Variants in FASN observed in about 807,000 individuals in gnomAD.
The protein encoded by FASN is fatty acid synthase.
FASN carries 50 observed loss-of-function variants against 250.0 expected under a neutral mutation model. That is an observed-to-expected ratio of 0.20 (90% CI 0.16 to 0.25). The LOEUF is 0.25. FASN is among the 10% of genes least tolerant of loss of function. FASN has a pLI of 1.00. For synonymous variants in FASN, 1,909 were observed against 1,584.0 expected, an observed-to-expected ratio of 1.21 and a Z score of -4.87; for missense variants, 3,031 against 3,498.5, an observed-to-expected ratio of 0.87 and a Z score of 3.37.
chr17:82,079,857 G>A (rs2033956691), intron 41 of FASN: 1 of 634,102 alleles, frequency 1.6e-6, no homozygotes, highest in African/African-American at 1.8e-5. Flanking sequence ...ATAGGTGAGT[G>A]CCACCATGCC....
chr17:82,079,031 G>T lies in FASN; in HGVS notation c.*112C>A. The T allele has an allele frequency of 4.0e-6, 5 of 1,258,828 alleles. No individual in the cohort carries two copies. The highest frequency in any genetic ancestry group is 5.5e-6 in the Non-Finnish European group (5 of 903,780). 78.0% of individuals were successfully genotyped at this position (1,258,828 alleles called of 1,614,324 possible). A position where few individuals can be genotyped will look rare whatever the true frequency, so the allele number is the denominator to read the frequency against. On this transcript the variant is annotated 3_prime_UTR_variant, in exon 43 of 43. Coordinates refer to ENST00000306749, the MANE Select transcript of FASN (RefSeq NM_004104.5). ...GCAGCCTCGGGGGGCAGTGGCACTG[G>T]GCCGGACAGGGTCCCACCGGCAGGA...
chr17:82,082,159 C>T lies in FASN; in HGVS notation c.6013G>A (p.Val2005Met). The T allele has an allele frequency of 6.2e-7, 1 of 1,602,844 alleles. No homozygotes were observed. The highest frequency in any genetic ancestry group is 8.5e-7 in the Non-Finnish European group (1 of 1,179,920). Reference sequence around the variant, plus strand: ...AGCTCAGGGCACGCCTCTCGGGTCACCCTGTGGGCACGCGTGTCACTCCCC... The same window carrying T: ...AGCTCAGGGCACGCCTCTCGGGTCATCCTGTGGGCACGCGTGTCACTCCCC... ...KYSGTLNLDR[V>M]TREACPELDY... The change falls in exon 36 of 43, where the codon GTG becomes ATG. Residue 2005 changes from valine (V) to methionine (M), a missense_variant and splice_region_variant. Val to Met is a conservative substitution (Grantham distance 21). Transcript: ENST00000306749.
At chr17:82,088,076 C>A (rs377183321) in intron 17 of FASN, 40 bp downstream of exon 17, 1 of 1,612,504 alleles carries the variant, frequency 6.2e-7, no homozygotes, top group Middle Eastern at 1.6e-4. Context: ...CAGCACCCGC[C>A]CCCCAGCTAC....
Position 82,081,634 on chromosome 17 carries a change from G to A in FASN, c.6373C>T (p.Arg2125Trp), listed in dbSNP as rs141141382. Residue 2125 changes from arginine to tryptophan, a missense_variant, in exon 37 of 43, where the codon CGG (arginine) becomes TGG (tryptophan). Arg to Trp is a moderately radical substitution (Grantham distance 101). Coordinates refer to ENST00000306749, the MANE Select transcript of FASN (RefSeq NM_004104.5). The stretch of plus-strand genomic sequence containing the variant: ...TGTGCCACGGCCTCCACCAGGTCCC[G>A]CTGGCTGTCCCTGTCCCTATAGGCC... ...AAAYRDRDSQ[R>W]DLVEAVAHIL... The A allele has an allele frequency of 1.6e-3, 2,544 of 1,612,650 alleles. 4 individuals carry two copies. Among genetic ancestry groups the A allele is most frequent in the Non-Finnish European group, 2.0e-3 (2,312 of 1,180,006 alleles).
chr17:82,082,675 T>C lies in FASN; in HGVS notation c.5771A>G (p.Tyr1924Cys), dbSNP rs773989948. 4 of 1,608,676 alleles carry C rather than the reference T, an allele frequency of 2.5e-6. No homozygotes were observed. In the Admixed American group the frequency reaches 6.7e-5, roughly 27 times the overall value. ...CCACCGGCGGACCTGCTTGGCCTGG[T>C]AGCCTGCGGGACACAGGACTGTGGG... ...LTSRSGIRTG[Y>C]QAKQVRRWRR... Residue 1924 changes from tyrosine to cysteine, a missense_variant, in exon 34 of 43, where the codon TAC becomes TGC. Coordinates refer to ENST00000306749, the MANE Select transcript of FASN (RefSeq NM_004104.5).
Position 82,080,801 on chromosome 17 carries a change from G to A in FASN, c.6717C>T (p.Ser2239=), listed in dbSNP as rs2033973870. ...PTLMRLNSVQ[S]SERPLFLVHP... is the part of the protein sequence containing the mutation. ...GCACCAGGAACAGGGGCCGCTCCGA[G>A]CTCTGCACGGAGTTGAGCCGCATCA... is the stretch of plus-strand genomic sequence containing the variant. The change falls in exon 39 of 43, where the codon AGC becomes AGT. Residue 2239 remains serine, a synonymous_variant. Coordinates refer to ENST00000306749, the MANE Select transcript of FASN (RefSeq NM_004104.5). 2 of 1,607,968 alleles carry A rather than the reference G, an allele frequency of 1.2e-6. No individual in the cohort carries two copies. Among genetic ancestry groups the A allele is most frequent in the Middle Eastern group, 1.7e-4 (1 of 5,852 alleles).
chr17:82,078,925 T>C lies in FASN; in HGVS notation c.*218A>G. The C allele has an allele frequency of 3.2e-6, 2 of 631,662 alleles. No individual in the cohort carries two copies. The highest frequency in any genetic ancestry group is 2.7e-5 in the Admixed American group (1 of 37,034). 39.1% of individuals were successfully genotyped at this position (631,662 alleles called of 1,614,324 possible). Reference sequence around the variant, plus strand: ...CCACCGGCTCTTCACAGACCAGGAGTCTCCAAGTCGGCAGCTCTGGTGTCC... The same window carrying C: ...CCACCGGCTCTTCACAGACCAGGAGCCTCCAAGTCGGCAGCTCTGGTGTCC... On this transcript the variant is annotated 3_prime_UTR_variant, in exon 43 of 43. Transcript: ENST00000306749. This position sits in a 1 kb window ranked among gnomAD's most constrained non-coding sequence, Gnocchi z 5.4.
In FASN at chr17:82,088,240, G is replaced by C; in HGVS notation, c.2661C>G (p.Pro887=). Residue 887 remains proline (P), a synonymous_variant, in exon 17 of 43, where the codon CCC becomes CCG. Coordinates refer to ENST00000306749, the MANE Select transcript of FASN (RefSeq NM_004104.5). ...DHTLDGRVLF[P]ATGYLSIVWK... is the part of the protein sequence containing the mutation. ...ACACTATGCTCAGGTAGCCAGTGGC[G>C]GGGAAGAGGACGCGACCGTCGAGGG... 6.2e-7 allele frequency: 1 copy of C among 1,609,464 alleles called. No homozygotes were observed. The highest frequency in any genetic ancestry group is 8.5e-7 in the Non-Finnish European group (1 of 1,179,972).
rs1469479236 is a variant in FASN at position 82,080,842 on chromosome 17, G to C, written c.6676C>G (p.Pro2226Ala). The change falls in exon 39 of 43, where the codon CCG (proline) becomes GCG (alanine). Residue 2226 changes from proline to alanine, a missense_variant. Pro to Ala is a conservative substitution (Grantham distance 27). Transcript: ENST00000306749. ...QLNLRSLLVNPEGPTLMRLNS... is the reference protein window; with the variant it reads ...QLNLRSLLVNAEGPTLMRLNS... ...AGCCGCATCAGGGTGGGGCCCTCCG[G>C]GTTCACCAGCAGGGAGCGCAGGTTC... 6.2e-7 allele frequency: 1 copy of C among 1,611,102 alleles called. No homozygotes were observed. The highest frequency in any genetic ancestry group is 8.5e-7 in the Non-Finnish European group (1 of 1,179,522).
In FASN at chr17:82,093,627, T is replaced by C; in HGVS notation, c.425A>G (p.Asn142Ser). 1.2e-6 allele frequency: 2 copies of C among 1,612,722 alleles called. No homozygotes were observed. The highest frequency in any genetic ancestry group is 1.1e-5 in the South Asian group (1 of 91,082). The change falls in exon 4 of 43, where the codon AAC becomes AGC. Residue 142 changes from asparagine (N) to serine (S), a missense_variant. Transcript: ENST00000306749. ...GAAGTCGAAGAAGAAGGAGAGCCGG[T>C]TGGCCATCATCGCTCGCTGGCAGCC... is the stretch of plus-strand genomic sequence containing the variant. ...MVGCQRAMMANRLSFFFDFRG... is the reference protein window; with the variant it reads ...MVGCQRAMMASRLSFFFDFRG...
Position 82,085,091 on chromosome 17 carries a change from C to A in FASN, c.4353G>T (p.Ser1451=). 6.2e-7 allele frequency: 1 copy of A among 1,612,586 alleles called. No individual in the cohort carries two copies. The highest frequency in any genetic ancestry group is 8.5e-7 in the Non-Finnish European group (1 of 1,179,888). The change falls in exon 25 of 43, where the codon TCG becomes TCT. Residue 1451 remains serine (S), a synonymous_variant. Coordinates refer to ENST00000306749, the MANE Select transcript of FASN (RefSeq NM_004104.5). ...VWLKAINCAT[S]GVVGLVNCLR... is the part of the protein sequence containing the mutation. ...GACAGTTCACCAAGCCCACCACGCC[C>A]GAGGTGGCACAGTTGATGGCCTTCA...
chr17:82,085,028 C>T lies in FASN; in HGVS notation c.4409+7G>A. 6.2e-7 allele frequency: 1 copy of T among 1,606,912 alleles called. No individual in the cohort carries two copies. On this transcript the variant is annotated splice_region_variant and intron_variant, in intron 25 of 42. Coordinates refer to ENST00000306749, the MANE Select transcript of FASN (RefSeq NM_004104.5). ...GAAGGGGAAGTGGTGAGGGGCCGTG[C>T]TCCTACCGGAGGCGGTTCCCGCCGG... is the stretch of plus-strand genomic sequence containing the variant.
Position 82,084,323 on chromosome 17 carries a change from G to C in FASN, c.4830C>G (p.Gly1610=). 6.2e-7 allele frequency: 1 copy of C among 1,610,138 alleles called. No homozygotes were observed. Among genetic ancestry groups the C allele is most frequent in the Non-Finnish European group, 8.5e-7 (1 of 1,178,846 alleles). The change falls in exon 28 of 43, where the codon GGC becomes GGG. Residue 1610 remains glycine, a synonymous_variant. Coordinates refer to ENST00000306749, the MANE Select transcript of FASN (RefSeq NM_004104.5). ...CAGGCACCAGTCCCATCACACGCTT[G>C]CCGCTGGCGTCTCGGCCCGAGAACT... ...GMEFSGRDAS[G]KRVMGLVPAK...
Position 82,081,175 on chromosome 17 carries a change from T to A in FASN, c.6584A>T (p.Asp2195Val). The stretch of plus-strand genomic sequence containing the variant: ...CCACCCACACGCACCGCTGGCCTCA[T>A]CCGCCTTTGAGGACAGCTCCTGCAG... Reference protein sequence around the residue: ...RKLQELSSKADEASELACPTP... With the variant: ...RKLQELSSKAVEASELACPTP... The change falls in exon 38 of 43, where the codon GAT (aspartate) becomes GTT (valine). Residue 2195 changes from aspartate (D) to valine (V), a missense_variant. Physicochemically the swap from Asp to Val is radical, Grantham distance 152 (BLOSUM62 -3). Coordinates refer to ENST00000306749, the MANE Select transcript of FASN (RefSeq NM_004104.5). The A allele has an allele frequency of 6.3e-7, 1 of 1,585,746 alleles. No homozygotes were observed. Among genetic ancestry groups the A allele is most frequent in the African/African-American group, 1.3e-5 (1 of 74,750 alleles).
Position 82,082,618 on chromosome 17 carries a change from G to T in FASN, c.5828C>A (p.Thr1943Asn). 6.2e-7 allele frequency: 1 copy of T among 1,610,924 alleles called. No individual in the cohort carries two copies. Reference protein sequence around the residue: ...RRQGVQVQVSTSNISSLEGAR... With the variant: ...RRQGVQVQVSNSNISSLEGAR... ...CCCCTCCAGTGAGCTGATGTTGCTG[G>T]TGGACACCTGCACCTGTACGCCCTG... The change falls in exon 34 of 43, where the codon ACC becomes AAC. Residue 1943 changes from threonine to asparagine, a missense_variant. Thr to Asn is a moderately conservative substitution (Grantham distance 65). Transcript: ENST00000306749.
intron 10 of FASN, 138 bp downstream of exon 10, chr17:82,090,744 G>A (rs532061886): frequency 5.2e-5 from 59 of 1,134,826 alleles, no homozygotes; most frequent in South Asian, 3.3e-4. Context: ...CTCCCCTCCC[G>A]TCCTGCCCCC....
Position 82,088,742 on chromosome 17 carries a change from G to A in FASN, c.2420+19C>T, listed in dbSNP as rs575889868. 66 of 1,602,388 alleles carry A rather than the reference G, an allele frequency of 4.1e-5. No homozygotes were observed. The highest frequency in any genetic ancestry group is 5.0e-5 in the Non-Finnish European group (59 of 1,171,736). The stretch of plus-strand genomic sequence containing the variant: ...TCCCCGACTCCGGGAGACGAGACCC[G>A]GGCTGGGAAGGGACCCACCCTGAGA... On this transcript the variant is annotated intron_variant, in intron 15 of 42. Transcript: ENST00000306749.
At chr17:82,087,525 G>A (rs777343198) in intron 19 of FASN, 21 bp from the exon 20 acceptor site, 27 of 1,611,176 alleles carry the variant, frequency 1.7e-5, no homozygotes, top group Middle Eastern at 1.7e-4. Flanking sequence ...GGCCTGGTTG[G>A]TGCTGTGGAA....
chr17:82,088,149 C>A lies in FASN; in HGVS notation c.2752G>T (p.Val918Leu), dbSNP rs367566873. ...GGCAGGATGGTGGCCTGGTGCAGCA[C>A]CACATCCTCAAACACCACAGGCAGC... Reference protein sequence around the residue: ...EQLPVVFEDVVLHQATILPKT... With the variant: ...EQLPVVFEDVLLHQATILPKT... The change falls in exon 17 of 43, where the codon GTG (valine) becomes TTG (leucine). Residue 918 changes from valine to leucine, a missense_variant. Val to Leu is a conservative substitution (Grantham distance 32). Transcript: ENST00000306749. 1.2e-6 allele frequency: 2 copies of A among 1,612,806 alleles called. No homozygotes were observed. Among genetic ancestry groups the A allele is most frequent in the Non-Finnish European group, 1.7e-6 (2 of 1,179,994 alleles).
Sources: allele counts gnomAD v4.1 joint callset, GRCh38; gene constraint gnomAD v4.1.1; non-coding constraint Gnocchi (gnomAD v3.1); transcripts MANE v1.5; gene names NCBI Gene and HGNC (gene_info 2026-07-23, HGNC 2026-07-21).